IGF1R: variants seen among roughly 807,000 people sequenced by gnomAD.
IGF1R encodes insulin like growth factor 1 receptor.
A neutral mutation model predicts 144.6 loss-of-function variants in IGF1R; 44 were observed. The observed-to-expected ratio is 0.30, with a 90% CI of 0.24 to 0.39. IGF1R has a LOEUF of 0.39. Among genes scored for constraint, IGF1R ranks in the 10% least tolerant of loss-of-function variants. The pLI is 1.00. For synonymous variants in IGF1R, 795 were observed against 722.8 expected (o/e 1.10, Z -1.60); for missense variants, 1,355 against 1,833.7 (o/e 0.74, Z 4.77).
chr15:98,857,503 GC>G (rs2011893039), intron 2 of IGF1R, among the ~76,000 whole-genome samples: 1 of 152,348 alleles, frequency 6.6e-6, no homozygotes, highest in African/African-American at 2.4e-5. Context: ...ACAGGCGTGA[GC>G]CACCACGCCC....
At chr15:98,762,819 G>A (rs148840914) in intron 2 of IGF1R, among the ~76,000 whole-genome samples, 18,926 of 149,344 alleles carry the variant, frequency 0.13, 1,506 homozygotes, top group East Asian at 0.27. Context: ...AGGCCGAGGC[G>A]GGCCGATCAC....
intron 2 of IGF1R, among the ~76,000 whole-genome samples, chr15:98,844,647 GAGA>G (rs2011246343): frequency 6.6e-6 from 1 of 151,474 alleles, no homozygotes; most frequent in South Asian, 2.1e-4. Flanking sequence ...TGTATTTAGA[GAGA>G]AGGAGGGATT....
intron 10 of IGF1R, among the ~76,000 whole-genome samples, chr15:98,919,314 T>C (rs889594232): frequency 4.6e-5 from 7 of 152,178 alleles, no homozygotes; most frequent in African/African-American, 1.7e-4. Flanking sequence ...AGGATGGATT[T>C]AGAGTGTCCC....
chr15:98,754,354 C>G (rs1212558663), intron 2 of IGF1R, among the ~76,000 whole-genome samples: 2 of 152,124 alleles, frequency 1.3e-5, no homozygotes, highest in Non-Finnish European at 2.9e-5. Flanking sequence ...TTCTCATTGT[C>G]CAAAAGAGTC....
chr15:98,941,772 T>C (rs1365196714), intron 18 of IGF1R, among the ~76,000 whole-genome samples: 1 of 152,242 alleles, frequency 6.6e-6, no homozygotes, highest in Non-Finnish European at 1.5e-5. Context: ...TTTGTTCTCT[T>C]TGTGTTTGCT....
At chr15:98,956,866 C>A (rs544373421) in intron 20 of IGF1R, among the ~76,000 whole-genome samples, 195 bp from the exon 21 acceptor site, 1 of 152,090 alleles carries the variant, frequency 6.6e-6, no homozygotes, top group Admixed American at 6.5e-5. Context: ...TGGAACCGTA[C>A]GAGGTAAAAC....
intron 2 of IGF1R, among the ~76,000 whole-genome samples, chr15:98,734,938 C>CT (rs1364502842): frequency 1.3e-5 from 2 of 152,206 alleles, no homozygotes; most frequent in Admixed American, 6.5e-5. Context: ...AAGAAGGACT[C>CT]TATCACTCTA....
In IGF1R at chr15:98,708,016, A is replaced by G. The variant is rs768277958; in HGVS notation, c.549A>G (p.Pro183=). 1.3e-5 allele frequency: 21 copies of G among 1,614,072 alleles called. No homozygotes were observed. Among genetic ancestry groups the G allele is most frequent in the Non-Finnish European group, 1.7e-5 (20 of 1,180,026 alleles). ...KPPKECGDLC[P]GTMEEKPMCE... is the part of the protein sequence containing the mutation. ...CAAAGGAATGTGGGGACCTGTGTCC[A>G]GGGACCATGGAGGAGAAGCCGATGT... Residue 183 remains proline, a synonymous_variant, in exon 2 of 21, where the codon CCA becomes CCG. Transcript: ENST00000650285.
At chr15:98,936,872 CCT>C (rs1412765483) in intron 17 of IGF1R, among the ~76,000 whole-genome samples, 5 of 152,122 alleles carry the variant, frequency 3.3e-5, no homozygotes, top group South Asian at 2.1e-4. Flanking sequence ...TTTCTCTGGC[CCT>C]CTCTGTGTCT....
At chr15:98,864,274 A>G (rs1167778581) in intron 2 of IGF1R, among the ~76,000 whole-genome samples, 1 of 152,236 alleles carries the variant, frequency 6.6e-6, no homozygotes, top group African/African-American at 2.4e-5. Context: ...GGCAAACATT[A>G]CCAACATGGC....
At chr15:98,838,258 T>G (rs57738840) in intron 2 of IGF1R, among the ~76,000 whole-genome samples, 4,340 of 152,266 alleles carry the variant, frequency 0.029, 206 homozygotes, top group African/African-American at 0.097. Flanking sequence ...CTCACTGTGG[T>G]CTTCAGCAGG....
chr15:98,960,801 C>T lies in IGF1R; in HGVS notation c.*3359C>T, dbSNP rs1366929617. ...CAGAGTCCCCTCCCCCTCCAGGCTG[C>T]CCTCTCAACTTCTCCCTCACCTCCT... On this transcript the variant is annotated 3_prime_UTR_variant, in exon 21 of 21. Transcript: ENST00000650285. 1 of 233,918 alleles carries T rather than the reference C, an allele frequency of 4.3e-6. No homozygotes were observed. The highest frequency in any genetic ancestry group is 8.5e-6 in the Non-Finnish European group (1 of 118,256). 14.5% of individuals were successfully genotyped at this position (233,918 alleles called of 1,614,324 possible). A position where few individuals can be genotyped will look rare whatever the true frequency, so the allele number is the denominator to read the frequency against.
In IGF1R at chr15:98,744,894, C is replaced by A. The variant is rs543925767; in HGVS notation, c.640+36787C>A. Among the ~76,000 whole-genome samples the A allele has an allele frequency of 2.0e-5, 3 of 152,188 alleles. No homozygotes were observed. In the South Asian group the frequency reaches 6.2e-4, roughly 32 times the overall value. On this transcript the variant is annotated intron_variant, in intron 2 of 20. Coordinates refer to ENST00000650285, the MANE Select transcript of IGF1R (RefSeq NM_000875.5). ...ATGAGGACCCTAAGCCCTGGAGAGG[C>A]CAGGAAACATTCCCAGAGTCCCTCA...
intron 2 of IGF1R, among the ~76,000 whole-genome samples, chr15:98,830,962 G>A (rs1181880891): frequency 6.6e-6 from 1 of 152,122 alleles, no homozygotes; most frequent in African/African-American, 2.4e-5. Context: ...AGAAGGTGAA[G>A]GGGGAGCAGT....
At chr15:98,845,053 T>G (rs543782218) in intron 2 of IGF1R, among the ~76,000 whole-genome samples, 1 of 152,302 alleles carries the variant, frequency 6.6e-6, no homozygotes, top group Admixed American at 6.5e-5. Context: ...ACATGAGTGT[T>G]TTTGCCTTGT....
At chr15:98,765,427 G>C (rs868833468) in intron 2 of IGF1R, among the ~76,000 whole-genome samples, 1 of 145,566 alleles carries the variant, frequency 6.9e-6, no homozygotes, top group Non-Finnish European at 1.5e-5. Flanking sequence ...TTGTGCCTCA[G>C]CCTCCCAAGT....
Position 98,962,311 on chromosome 15 carries a change from G to C in IGF1R, c.*4869G>C, listed in dbSNP as rs748898502. Reference sequence around the variant, plus strand: ...GTCCCAGTTATGCATTTCAAGTTTGGGGTTTGTTCTTTTCGTTAATGTTCC... The same window carrying C: ...GTCCCAGTTATGCATTTCAAGTTTGCGGTTTGTTCTTTTCGTTAATGTTCC... On this transcript the variant is annotated 3_prime_UTR_variant, in exon 21 of 21. Coordinates refer to ENST00000650285, the MANE Select transcript of IGF1R (RefSeq NM_000875.5). The C allele has an allele frequency of 1.7e-5, 4 of 233,438 alleles. No individual in the cohort carries two copies. The highest frequency in any genetic ancestry group is 2.5e-5 in the Non-Finnish European group (3 of 118,128). The allele number at this position is 233,438 out of a possible 1,614,324, so 14.5% of individuals were successfully genotyped here.
At chr15:98,774,692 G>GT (rs1260712090) in intron 2 of IGF1R, among the ~76,000 whole-genome samples, 2 of 149,652 alleles carry the variant, frequency 1.3e-5, no homozygotes, top group Non-Finnish European at 3.0e-5. Flanking sequence ...CGGTGGTGGG[G>GT]GGGTGGGGGG....
Position 98,715,172 on chromosome 15 carries a change from C to A in IGF1R, c.640+7065C>A, listed in dbSNP as rs1351223744. Among the ~76,000 whole-genome samples the A allele has an allele frequency of 3.9e-5, 6 of 152,310 alleles. No individual in the cohort carries two copies. The Middle Eastern group carries it at 0.01, about 259-fold the overall frequency. On this transcript the variant is annotated intron_variant, in intron 2 of 20. Coordinates refer to ENST00000650285, the MANE Select transcript of IGF1R (RefSeq NM_000875.5). ...TAGTCAGGCGTGGAGCTCACATTCT[C>A]TTCTGCCTGATTGCCGACGCTTGTT...
Sources: allele counts gnomAD v4.1 joint callset (sites outside exome capture counted in the v4.1 genomes callset), GRCh38; gene constraint gnomAD v4.1.1; transcripts MANE v1.5; gene names NCBI Gene and HGNC (gene_info 2026-07-23, HGNC 2026-07-21).